The following TGM2 variants were observed in gnomAD, a reference collection of about 807,000 sequenced individuals.
The protein encoded by TGM2 is protein-glutamine gamma-glutamyltransferase 2.
TGM2 carries 53 observed loss-of-function variants against 75.6 expected under a neutral mutation model. The ratio of observed to expected loss-of-function variants is 0.70; its 90% confidence interval spans 0.56 to 0.88. TGM2 has a LOEUF of 0.88. Among genes scored for constraint, TGM2 ranks in the 40% least tolerant of loss-of-function variants. TGM2 has a pLI of 0.00. For missense variants in TGM2, 842 were observed against 928.5 expected, an observed-to-expected ratio of 0.91 and a Z score of 1.21; for synonymous variants, 374 against 381.1, an observed-to-expected ratio of 0.98 and a Z score of 0.22.
In TGM2 at chr20:38,156,057, C is replaced by G; in HGVS notation, c.223G>C (p.Ala75Pro). 1 of 1,613,714 alleles carries G rather than the reference C, an allele frequency of 6.2e-7. No homozygotes were observed. The highest frequency in any genetic ancestry group is 1.1e-5 in the South Asian group (1 of 90,946). ...PAPSQEAGTK[A>P]RFPLRDAVEE... is the part of the protein sequence containing the mutation. ...ACAGCATCTCTTAGTGGAAAACGGGCCTTGGTCCCGGCCTCCTGGCTAGGG... is the reference window on the plus strand; with the variant it reads ...ACAGCATCTCTTAGTGGAAAACGGGGCTTGGTCCCGGCCTCCTGGCTAGGG... Residue 75 changes from alanine (A) to proline (P), a missense_variant, in exon 3 of 13, where the codon GCC (alanine) becomes CCC (proline). By Grantham distance (27) the Ala-to-Pro change is conservative (BLOSUM62 -1). Transcript: ENST00000361475.
At chr20:38,132,155 ACG>A (rs1489886515) in intron 11 of TGM2, among the ~76,000 whole-genome samples, 183 bp downstream of exon 11, 4 of 152,118 alleles carry the variant, frequency 2.6e-5, no homozygotes, top group Non-Finnish European at 4.4e-5. Context: ...CCTAGAGGCT[ACG>A]AGTCCCCAAT....
chr20:38,137,528 T>C (rs571637548), intron 10 of TGM2, among the ~76,000 whole-genome samples: 23 of 152,224 alleles, frequency 1.5e-4, no homozygotes, highest in Non-Finnish European at 2.9e-5. Flanking sequence ...TTCAAGCGCT[T>C]AGCAGCCACG....
At chr20:38,146,317 A>C in intron 6 of TGM2, 1 of 335,636 alleles carries the variant, frequency 3.0e-6, no homozygotes. Context: ...CACCCACTCT[A>C]GGAGGAAGGT....
intron 4 of TGM2, among the ~76,000 whole-genome samples, chr20:38,149,552 G>A (rs1210006434): frequency 3.9e-5 from 6 of 151,962 alleles, no homozygotes; most frequent in Admixed American, 6.6e-5. Flanking sequence ...GGTGGTGGGC[G>A]TCTGTAGTCC....
At chr20:38,155,096 A>G (rs1040458862) in intron 3 of TGM2, among the ~76,000 whole-genome samples, 6 of 151,746 alleles carry the variant, frequency 4.0e-5, no homozygotes, top group African/African-American at 1.5e-4. Flanking sequence ...ACAAGAGCAA[A>G]ACTCCGTCTC....
chr20:38,148,114 A>G (rs1254657562), intron 4 of TGM2, 25 bp from the exon 5 acceptor site: 4 of 1,613,768 alleles, frequency 2.5e-6, no homozygotes, highest in South Asian at 1.1e-5. Context: ...ACAAGAGGAG[A>G]AAGAGGGAGC....
At chr20:38,132,537 G>A in intron 10 of TGM2, 37 bp from the exon 11 acceptor site, 2 of 1,612,964 alleles carry the variant, frequency 1.2e-6, no homozygotes, top group Non-Finnish European at 1.7e-6. Flanking sequence ...TCATGATGCA[G>A]AATCACCCCT....
At chr20:38,135,898 C>T (rs375657355) in intron 10 of TGM2, among the ~76,000 whole-genome samples, 15 of 152,280 alleles carry the variant, frequency 9.9e-5, no homozygotes, top group South Asian at 2.1e-4. Context: ...TCAGTCCTCA[C>T]GGCTGCGGGC....
chr20:38,132,205 G>C, intron 11 of TGM2, 135 bp downstream of exon 11: 1 of 968,906 alleles, frequency 1.0e-6, no homozygotes, highest in Non-Finnish European at 1.6e-6. Context: ...GATGAGGCTA[G>C]GATTTGAGGA....
chr20:38,161,700 TC>T, intron 1 of TGM2, 101 bp from the exon 2 acceptor site: 1 of 1,390,912 alleles, frequency 7.2e-7, no homozygotes, highest in South Asian at 1.2e-5. Flanking sequence ...GCCCTCTTAC[TC>T]CCCACAAAGC....
upstream of TGM2, among the ~76,000 whole-genome samples, chr20:38,165,594 C>T (rs1481051687): frequency 1.3e-5 from 2 of 152,012 alleles, no homozygotes; most frequent in South Asian, 2.1e-4. Flanking sequence ...AAACACACAA[C>T]GGAACCGGGG....
At position 38,138,872 on chromosome 20, in the gene TGM2, T is replaced by A. The variant is rs45450495; in HGVS notation, c.1343-487A>T. Among the ~76,000 whole-genome samples the A allele has an allele frequency of 4.0e-3, 602 of 152,316 alleles. 3 individuals carry two copies. Among genetic ancestry groups the A allele is most frequent in the African/African-American group, 0.012 (496 of 41,560 alleles). On this transcript the variant is annotated intron_variant, in intron 9 of 12. Coordinates refer to ENST00000361475, the MANE Select transcript of TGM2 (RefSeq NM_004613.4). ...TGCCTCTCTCCTGTGCTCCTTTGAT[T>A]TTTTTCTCCCAGTGTTGTTGGGTGC... is the stretch of plus-strand genomic sequence containing the variant.
intron 4 of TGM2, among the ~76,000 whole-genome samples, chr20:38,150,272 G>A (rs1180507225): frequency 6.6e-6 from 1 of 152,194 alleles, no homozygotes; most frequent in Non-Finnish European, 1.5e-5. Context: ...GGAGCCTAAA[G>A]GTCAGGCTGG....
At chr20:38,135,994 G>A (rs1431251047) in intron 10 of TGM2, among the ~76,000 whole-genome samples, 1 of 152,212 alleles carries the variant, frequency 6.6e-6, no homozygotes, top group Non-Finnish European at 1.5e-5. Flanking sequence ...CCAAGGTGGT[G>A]CATTCAGAGG....
rs946313974 is a variant in TGM2, at chr20:38,132,496, C to A, written c.1620G>T (p.Lys540Asn). Residue 540 changes from lysine (K) to asparagine (N), a missense_variant, in exon 11 of 13, where the codon AAG becomes AAT. Physicochemically the swap from Lys to Asn is moderately conservative, Grantham distance 94. Coordinates refer to ENST00000361475, the MANE Select transcript of TGM2 (RefSeq NM_004613.4). The part of the protein sequence containing the change: ...LNLNLEPFSE[K>N]SVPLCILYEK... The stretch of plus-strand genomic sequence containing the variant: ...CATAGAGGATGCAAAGAGGAACGCT[C>A]TTCTCTGCAGAAGGGGAGAAAGGAG... 20 of 1,614,008 alleles carry A rather than the reference C, an allele frequency of 1.2e-5. No homozygotes were observed. The highest frequency in any genetic ancestry group is 1.7e-5 in the Admixed American group (1 of 60,006).
chr20:38,130,951 G>T, intron 12 of TGM2, 142 bp downstream of exon 12: 1 of 1,300,414 alleles, frequency 7.7e-7, no homozygotes, highest in African/African-American at 1.5e-5. Flanking sequence ...CTAGCCCCAG[G>T]GTGTCTGGGA....
chr20:38,147,056 G>A (rs562545044), intron 5 of TGM2, among the ~76,000 whole-genome samples, 162 bp from the exon 6 acceptor site: 18 of 152,186 alleles, frequency 1.2e-4, no homozygotes, highest in African/African-American at 3.9e-4. Flanking sequence ...ACTGGTGTGC[G>A]GCAGATGGTG....
intron 2 of TGM2, among the ~76,000 whole-genome samples, chr20:38,160,286 A>G (rs915847515): frequency 6.6e-5 from 10 of 152,222 alleles, no homozygotes; most frequent in African/African-American, 2.4e-4. Flanking sequence ...ACTGACCTCA[A>G]GGGAATGGCT....
At chr20:38,165,665 A>AC (rs2075303914), upstream of TGM2, among the ~76,000 whole-genome samples, 2 of 133,144 alleles carry the variant, frequency 1.5e-5, no homozygotes, top group Admixed American at 7.8e-5. Flanking sequence ...ACACCTCCCC[A>AC]CCCCCAACAC....
Sources: gnomAD v4.1 joint callset for allele counts (sites outside exome capture counted in the v4.1 genomes callset) on GRCh38, gnomAD v4.1.1 for gene constraint, MANE v1.5 for transcripts, NCBI Gene and HGNC (gene_info 2026-07-23, HGNC 2026-07-21) for gene names.